SLC39A11: variants seen among roughly 807,000 people sequenced by gnomAD.
The protein encoded by SLC39A11 is solute carrier family 39 member 11.
SLC39A11 carries 33 observed loss-of-function variants against 36.1 expected under a neutral mutation model. The observed-to-expected ratio is 0.91, with a 90% CI of 0.69 to 1.22. SLC39A11 has a LOEUF of 1.22. SLC39A11 is among the 50% of genes most tolerant of loss of function. The probability of loss-of-function intolerance (pLI) is 0.00; values close to 1 mark genes in which losing one functional copy is unlikely to be tolerated. For synonymous variants in SLC39A11, 166 were observed against 170.3 expected (o/e 0.97, Z 0.20); for missense variants, 432 against 430.3 (o/e 1.00, Z -0.03).
rs369369721 is a variant in SLC39A11, at chr17:72,725,119, T to C, written c.671+11531A>G. Among the ~76,000 whole-genome samples, 521 of 152,316 alleles carry C rather than the reference T, an allele frequency of 3.4e-3. 2 individuals are homozygous for C. Among genetic ancestry groups the C allele is most frequent in the African/African-American group, 0.011 (459 of 41,576 alleles). On this transcript the variant is annotated intron_variant, in intron 7 of 9. Coordinates refer to ENST00000255559, the MANE Select transcript of SLC39A11 (RefSeq NM_139177.4). ...CACTTTCTTCACTTCCCAGAACGCA[T>C]GCAATAAATAACATTATGTTTTTAA... is the stretch of plus-strand genomic sequence containing the variant.
intron 3 of SLC39A11, among the ~76,000 whole-genome samples, chr17:73,065,880 A>G (rs2059983418): frequency 1.3e-5 from 2 of 152,234 alleles, no homozygotes; most frequent in Admixed American, 6.5e-5. Flanking sequence ...GTTGGTGCCC[A>G]AAGGGAGGCT....
chr17:72,740,588 C>T (rs889683216), intron 6 of SLC39A11, among the ~76,000 whole-genome samples: 3 of 152,248 alleles, frequency 2.0e-5, no homozygotes, highest in African/African-American at 2.4e-5. Flanking sequence ...GGGAGCACTT[C>T]CAGCATCCTT....
rs142790260 is a variant in SLC39A11, at chr17:72,909,942, C to T, written c.430+37810G>A. Among the ~76,000 whole-genome samples the T allele has an allele frequency of 4.2e-3, 644 of 151,544 alleles. 24 individuals carry two copies. The East Asian group carries it at 0.075, about 18-fold the overall frequency. On this transcript the variant is annotated intron_variant, in intron 5 of 9. Coordinates refer to ENST00000255559, the MANE Select transcript of SLC39A11 (RefSeq NM_139177.4). ...TTTTTTTGTATTTTTTTAGTAGAGA[C>T]GGGGTTTCACCGTGTTAGCCAGGAT...
In SLC39A11 at chr17:72,846,218, CG is replaced by C. The variant is rs1299044778; in HGVS notation, c.601+3415del. Among the ~76,000 whole-genome samples the C allele has an allele frequency of 4.0e-5, 6 of 151,740 alleles. 1 individual carries two copies. Among genetic ancestry groups the C allele is most frequent in the Non-Finnish European group, 7.4e-5 (5 of 67,920 alleles). On this transcript the variant is annotated intron_variant, in intron 6 of 9. Transcript: ENST00000255559. ...CTAATTTTTGTATTTTTAGTAGAGA[CG>C]GGGTTTCGCCATGTTGGCCAGGCTG... is the stretch of plus-strand genomic sequence containing the variant.
chr17:72,877,709 G>A (rs917140709), intron 5 of SLC39A11, among the ~76,000 whole-genome samples: 6 of 152,154 alleles, frequency 3.9e-5, no homozygotes, highest in Non-Finnish European at 7.3e-5. Context: ...ATGGTCTCAC[G>A]ACAGACTTGG....
At chr17:73,024,125 C>G (rs540757596) in intron 4 of SLC39A11, among the ~76,000 whole-genome samples, 27 of 152,372 alleles carry the variant, frequency 1.8e-4, no homozygotes, top group African/African-American at 6.5e-4. Context: ...GACTGCAGAA[C>G]TGCCACCTTC....
chr17:72,861,860 T>A (rs2080057499), intron 5 of SLC39A11, among the ~76,000 whole-genome samples: 1 of 148,686 alleles, frequency 6.7e-6, no homozygotes, highest in South Asian at 2.1e-4. Flanking sequence ...TATATATGAC[T>A]TTTAGAAATT....
rs541277590 is a variant in SLC39A11 at position 72,800,059 on chromosome 17, G to A, written c.601+49575C>T. On this transcript the variant is annotated intron_variant, in intron 6 of 9. Transcript: ENST00000255559. ...GTCTCTCTTTGTTTCTCAGCCGGCCGACACTTATGGAAAATAGAAAGAACA... is the reference window on the plus strand; with the variant it reads ...GTCTCTCTTTGTTTCTCAGCCGGCCAACACTTATGGAAAATAGAAAGAACA... Among the ~76,000 whole-genome samples, 11 of 152,038 alleles carry A rather than the reference G, an allele frequency of 7.2e-5. No homozygotes were observed. The South Asian group carries it at 1.2e-3, about 17-fold the overall frequency.
chr17:72,684,490 C>A (rs544423949), intron 7 of SLC39A11, among the ~76,000 whole-genome samples: 1 of 152,214 alleles, frequency 6.6e-6, no homozygotes, highest in East Asian at 1.9e-4. Flanking sequence ...CTGCTAGCAC[C>A]GACCACAGTG....
chr17:72,845,074 A>G (rs2078991344), intron 6 of SLC39A11, among the ~76,000 whole-genome samples: 1 of 152,192 alleles, frequency 6.6e-6, no homozygotes, highest in Non-Finnish European at 1.5e-5. Flanking sequence ...CACCACTATC[A>G]TCTTTGATCT....
At chr17:72,780,144 G>A (rs894250185) in intron 6 of SLC39A11, among the ~76,000 whole-genome samples, 14 of 152,178 alleles carry the variant, frequency 9.2e-5, no homozygotes, top group Non-Finnish European at 2.1e-4. Flanking sequence ...GCAGTCTGTG[G>A]ACTAAGCATG....
chr17:72,878,196 C>A (rs929114455), intron 5 of SLC39A11, among the ~76,000 whole-genome samples: 3 of 152,084 alleles, frequency 2.0e-5, no homozygotes, highest in Non-Finnish European at 4.4e-5. Flanking sequence ...ATATGTGCCA[C>A]ATTTTCTTAA....
intron 6 of SLC39A11, among the ~76,000 whole-genome samples, chr17:72,833,121 T>C (rs2713958): frequency 0.58 from 88,874 of 152,134 alleles, 26,448 homozygotes; most frequent in Middle Eastern, 0.67. Flanking sequence ...TATTCCCTCT[T>C]GCCTGGTCTC....
chr17:72,857,740 T>C (rs1391799058), intron 5 of SLC39A11, among the ~76,000 whole-genome samples: 1 of 152,218 alleles, frequency 6.6e-6, no homozygotes, highest in Non-Finnish European at 1.5e-5. Flanking sequence ...TGATCAGTGG[T>C]GTTGAGATTT....
At chr17:72,893,417 GC>G (rs2081862002) in intron 5 of SLC39A11, among the ~76,000 whole-genome samples, 1 of 152,120 alleles carries the variant, frequency 6.6e-6, no homozygotes, top group Admixed American at 6.5e-5. Context: ...CCAGGATCGT[GC>G]CACTGCACTC....
intron 5 of SLC39A11, among the ~76,000 whole-genome samples, chr17:72,862,276 TGACA>T (rs1360935394): frequency 6.6e-6 from 1 of 152,182 alleles, no homozygotes; most frequent in Admixed American, 6.5e-5. Context: ...GAAGGGAGGC[TGACA>T]GACAAAGGCT....
chr17:73,047,211 AGATGG>A lies in SLC39A11; in HGVS notation c.148-15502_148-15498del, dbSNP rs1285531914. On this transcript the variant is annotated intron_variant, in intron 3 of 9. Coordinates refer to ENST00000255559, the MANE Select transcript of SLC39A11 (RefSeq NM_139177.4). ...GGCTAATTTTTTGTGTTTTTAGCAC[AGATGG>A]GGTTGCACCGTGTTAGCCAGGATGG... Among the ~76,000 whole-genome samples the A allele has an allele frequency of 4.0e-5, 6 of 151,748 alleles. No homozygotes were observed. The East Asian group carries it at 9.9e-4, about 25-fold the overall frequency.
In SLC39A11 at chr17:72,740,743, T is replaced by G. The variant is rs187094572; in HGVS notation, c.602-4024A>C. ...CAGAGATGAACTGCTCATGAGGAGA[T>G]GCTCAGTGTCACAAGGCCTTTTTTT... is the stretch of plus-strand genomic sequence containing the variant. On this transcript the variant is annotated intron_variant, in intron 6 of 9. Transcript: ENST00000255559. 3.0e-3 allele frequency among the ~76,000 whole-genome samples: 457 copies of G among 152,334 alleles called. 1 individual carries two copies. Among genetic ancestry groups the G allele is most frequent in the Middle Eastern group, 6.8e-3 (2 of 294 alleles).
At position 72,736,676 on chromosome 17, in the gene SLC39A11, C is replaced by A; in HGVS notation, c.645G>T (p.Thr215=). 1 of 1,614,000 alleles carries A rather than the reference C, an allele frequency of 6.2e-7. No individual in the cohort carries two copies. The highest frequency in any genetic ancestry group is 8.5e-7 in the Non-Finnish European group (1 of 1,179,990). ...VGVGFGAIEK[T]ASATFESARN... is the part of the protein sequence containing the mutation. ...TGGCACTCTCAAAGGTAGCAGATGC[C>A]GTCTTTTCTATAGCCCCAAATCCAA... Residue 215 remains threonine (T), a synonymous_variant, in exon 7 of 10, where the codon ACG becomes ACT. Coordinates refer to ENST00000255559, the MANE Select transcript of SLC39A11 (RefSeq NM_139177.4).
Sources: allele counts gnomAD v4.1 joint callset (sites outside exome capture counted in the v4.1 genomes callset), GRCh38; gene constraint gnomAD v4.1.1; transcripts MANE v1.5; gene names NCBI Gene and HGNC (gene_info 2026-07-23, HGNC 2026-07-21).